Variants in MAP3K13 observed in about 807,000 individuals in gnomAD.
The protein encoded by MAP3K13 is mitogen-activated protein kinase kinase kinase 13.
In MAP3K13, 52 loss-of-function variants were observed where a neutral mutation model predicts 104.0. The ratio of observed to expected loss-of-function variants is 0.50; its 90% CI spans 0.40 to 0.63. The LOEUF is 0.63. MAP3K13 is among the 20% of genes least tolerant of loss of function. The probability of loss-of-function intolerance (pLI) is 0.00; values close to 1 mark genes in which losing one functional copy is unlikely to be tolerated. For synonymous variants in MAP3K13, 394 were observed against 442.2 expected (o/e 0.89, Z 1.37); for missense variants, 914 against 1,218.5 (o/e 0.75, Z 3.72).
At position 185,418,817 on chromosome 3, in the gene MAP3K13, C is replaced by T. The variant is rs919420266; in HGVS notation, c.-85-9680C>T. 7.3e-5 allele frequency: 114 copies of T among 1,563,868 alleles called. 1 individual carries two copies. Among genetic ancestry groups the T allele is most frequent in the Non-Finnish European group, 9.3e-5 (107 of 1,147,160 alleles). On this transcript the variant is annotated intron_variant, in intron 1 of 13. Coordinates refer to ENST00000265026, the MANE Select transcript of MAP3K13 (RefSeq NM_004721.5). The surrounding 1 kb of genome is among the most constrained non-coding windows in gnomAD (Gnocchi z 4.5). The stretch of plus-strand genomic sequence containing the variant: ...GACAGCCACGCTCCTCTCAGCCCGG[C>T]TGCTGCCACAGGAAAAGCATGTTCT...
intron 2 of MAP3K13, among the ~76,000 whole-genome samples, chr3:185,296,834 T>G (rs1249400987): frequency 1.3e-5 from 2 of 152,236 alleles, no homozygotes; most frequent in Admixed American, 6.5e-5. Flanking sequence ...TTAATTAAAT[T>G]TATTTATATC....
chr3:185,357,468 GA>G (rs1204873588), intron 2 of MAP3K13, among the ~76,000 whole-genome samples: 5 of 122,706 alleles, frequency 4.1e-5, no homozygotes, highest in African/African-American at 1.5e-4. Context: ...AAAAAAAAAA[GA>G]AAAAAAGAAA....
At chr3:185,334,603 C>CTTTT (rs67702394) in intron 2 of MAP3K13, among the ~76,000 whole-genome samples, 2 of 144,920 alleles carry the variant, frequency 1.4e-5, no homozygotes, top group African/African-American at 2.5e-5. Flanking sequence ...AATGGATTTT[C>CTTTT]TTTTTTTTTT....
At chr3:185,344,166 C>T (rs1722827836) in intron 2 of MAP3K13, among the ~76,000 whole-genome samples, 1 of 151,398 alleles carries the variant, frequency 6.6e-6, no homozygotes, top group Non-Finnish European at 1.5e-5. Flanking sequence ...CCACCATCTA[C>T]TGTCTATACC....
intron 2 of MAP3K13, among the ~76,000 whole-genome samples, chr3:185,303,741 A>G (rs1270936023): frequency 6.6e-6 from 1 of 151,346 alleles, no homozygotes; most frequent in African/African-American, 2.4e-5. Context: ...GGATTTGTCA[A>G]TTTTGTTGCC....
At chr3:185,384,733 T>C (rs140870674) in intron 1 of MAP3K13, among the ~76,000 whole-genome samples, 1 of 152,304 alleles carries the variant, frequency 6.6e-6, no homozygotes, top group Non-Finnish European at 1.5e-5. Flanking sequence ...ATATACCCAT[T>C]TGCTATTTAA....
rs760561828 is a variant in MAP3K13 at position 185,473,450 on chromosome 3, T to G, written c.2119T>G (p.Cys707Gly). Residue 707 changes from cysteine to glycine, a missense_variant, in exon 11 of 14, where the codon TGC (cysteine) becomes GGC (glycine). Cys to Gly is a radical substitution (Grantham distance 159). Coordinates refer to ENST00000265026, the MANE Select transcript of MAP3K13 (RefSeq NM_004721.5). The surrounding 1 kb of genome is among the most constrained non-coding windows in gnomAD (Gnocchi z 4.9). ...CATCTCCACAGCCATGGCTGCAGAC[T>G]GCTGGAGAAGTTCTGAGCCTGACAA... ...DLISTAMAAD[C>G]WRSSEPDKGQ... 4 of 1,614,208 alleles carry G rather than the reference T, an allele frequency of 2.5e-6. No individual in the cohort carries two copies. The South Asian group carries it at 4.4e-5, about 18-fold the overall frequency.
rs1718535901 is a variant in MAP3K13 at position 185,482,726 on chromosome 3, T to C, written c.*270T>C. On this transcript the variant is annotated 3_prime_UTR_variant, in exon 14 of 14. Coordinates refer to ENST00000265026, the MANE Select transcript of MAP3K13 (RefSeq NM_004721.5). The surrounding 1 kb of genome is among the most constrained non-coding windows in gnomAD (Gnocchi z 4.5). ...ATTGAATATTCTAGCTACTGTAACA[T>C]TGATATTTATTTTTGTTTGACATTT... 8.5e-6 allele frequency: 3 copies of C among 354,486 alleles called. No homozygotes were observed. Among genetic ancestry groups the C allele is most frequent in the East Asian group, 8.8e-5 (2 of 22,800 alleles). The allele number at this position is 354,486 out of a possible 1,614,324, so 22.0% of individuals were successfully genotyped here.
At chr3:185,438,310 G>A (rs372892147) in intron 3 of MAP3K13, among the ~76,000 whole-genome samples, 8 of 149,930 alleles carry the variant, frequency 5.3e-5, no homozygotes, top group Admixed American at 4.0e-4. Flanking sequence ...AGGAAAGAAA[G>A]AAGAAAGAAA....
intron 1 of MAP3K13, among the ~76,000 whole-genome samples, chr3:185,425,923 C>T (rs530103976): frequency 6.6e-4 from 101 of 152,258 alleles, no homozygotes; most frequent in African/African-American, 2.3e-3. Flanking sequence ...CGTTATCTAT[C>T]GGTCTTTCCT....
intron 2 of MAP3K13, among the ~76,000 whole-genome samples, chr3:185,293,647 A>T (rs1720822653): frequency 6.6e-6 from 1 of 151,562 alleles, no homozygotes; most frequent in Admixed American, 6.6e-5. Flanking sequence ...CTGGTCTTGA[A>T]CTCCTGAGCT....
chr3:185,474,583 T>C (rs571168854), intron 11 of MAP3K13, among the ~76,000 whole-genome samples: 1 of 152,294 alleles, frequency 6.6e-6, no homozygotes, highest in South Asian at 2.1e-4. Flanking sequence ...CATACAGCCT[T>C]TTTAAATTAA....
intron 2 of MAP3K13, chr3:185,329,234 C>T: frequency 1.4e-6 from 1 of 703,002 alleles, no homozygotes; most frequent in Non-Finnish European, 2.6e-6. Flanking sequence ...CAAGTGTTTA[C>T]AGTTAGAAAA....
At chr3:185,355,466 CA>C (rs10554957) in intron 2 of MAP3K13, among the ~76,000 whole-genome samples, 68,150 of 135,674 alleles carry the variant, frequency 0.5, 17,385 homozygotes, top group Middle Eastern at 0.63. Flanking sequence ...AACTCTGTCT[CA>C]AAAAAAAAAA....
At chr3:185,402,603 T>A (rs1712878215) in intron 1 of MAP3K13, among the ~76,000 whole-genome samples, 1 of 152,218 alleles carries the variant, frequency 6.6e-6, no homozygotes, top group Non-Finnish European at 1.5e-5. Context: ...CTCTAACATC[T>A]CCACGGTGTG....
intron 2 of MAP3K13, among the ~76,000 whole-genome samples, chr3:185,327,052 G>A (rs953482020): frequency 6.6e-6 from 1 of 152,136 alleles, no homozygotes; most frequent in African/African-American, 2.4e-5. Flanking sequence ...TAGTTCTGTA[G>A]GTCAAAAGAC....
At position 185,454,955 on chromosome 3, in the gene MAP3K13, T is replaced by TATATATATGAGATATATATATG. The variant is rs1560117990; in HGVS notation, c.1278+3580_1278+3601dup. 7.0e-4 allele frequency among the ~76,000 whole-genome samples: 63 copies of TATATATATGAGATATATATATG among 89,532 alleles called. 6 individuals carry two copies. The highest frequency in any genetic ancestry group is 1.1e-3 in the Non-Finnish European group (50 of 47,322). 58.7% of individuals were successfully genotyped at this position (89,532 alleles called of 152,430 possible). A position where few individuals can be genotyped will look rare whatever the true frequency, so the allele number is the denominator to read the frequency against. On this transcript the variant is annotated intron_variant, in intron 7 of 13. Transcript: ENST00000265026. ...TGATATATATATGAGATATATATGA[T>TATATATATGAGATATATATATG]ATATATATGAGATATATATATGATA...
intron 1 of MAP3K13, among the ~76,000 whole-genome samples, chr3:185,364,814 A>T (rs1166638032): frequency 6.6e-6 from 1 of 152,100 alleles, no homozygotes; most frequent in Non-Finnish European, 1.5e-5. Context: ...ATATTTTATT[A>T]TTTTTTATTT....
At chr3:185,442,696 G>T (rs1017304546) in intron 3 of MAP3K13, among the ~76,000 whole-genome samples, 2 of 151,934 alleles carry the variant, frequency 1.3e-5, no homozygotes, top group Non-Finnish European at 2.9e-5. Context: ...ACTATGCCCA[G>T]CTAATTTTTG....
Sources: gnomAD v4.1 joint callset for allele counts (sites outside exome capture counted in the v4.1 genomes callset) on GRCh38, gnomAD v4.1.1 for gene constraint, Gnocchi (gnomAD v3.1) non-coding constraint, MANE v1.5 for transcripts, NCBI Gene and HGNC (gene_info 2026-07-23, HGNC 2026-07-21) for gene names.